The following MRTFB variants were observed in gnomAD, a reference collection of about 807,000 sequenced individuals.
The protein encoded by MRTFB is myocardin-related transcription factor B.
Under a neutral mutation model 104.2 loss-of-function variants are expected in MRTFB, and 29 were observed. The observed-to-expected ratio is 0.28, with a 90% CI of 0.21 to 0.38. The LOEUF is 0.38. MRTFB is among the 10% of genes least tolerant of loss of function. MRTFB has a pLI of 1.00. For missense variants in MRTFB, 1,270 were observed against 1,341.6 expected (o/e 0.95, Z 0.83); for synonymous variants, 535 against 519.5 (o/e 1.03, Z -0.41).
Position 14,261,040 on chromosome 16 carries a change from G to C in MRTFB, c.2896G>C (p.Val966Leu), listed in dbSNP as rs746541310. The stretch of plus-strand genomic sequence containing the variant: ...ACCCCAAGTCCAAATGGCACCACCT[G>C]TATCTTTAGAACCTATGGGCAGTTT... ...PPPQVQMAPP[V>L]SLEPMGSLSA... Residue 966 changes from valine (V) to leucine (L), a missense_variant, in exon 17 of 17, where the codon GTA becomes CTA. This residue lies in a region of MRTFB where 1,144 missense variants were observed against 1,131.5 expected (regional missense o/e 1.01). Coordinates refer to ENST00000571589, the MANE Select transcript of MRTFB (RefSeq NM_001308142.2). 1 of 1,614,044 alleles carries C rather than the reference G, an allele frequency of 6.2e-7. No homozygotes were observed. The highest frequency in any genetic ancestry group is 1.3e-5 in the African/African-American group (1 of 74,916).
At chr16:14,023,610 C>CATATACAT in the MRTFB span, among the ~76,000 whole-genome samples, 5,249 of 106,846 alleles carry the variant, frequency 0.049, 214 homozygotes, top group African/African-American at 0.12. Flanking sequence ...CACACACACA[C>CATATACAT]ATACATATAC....
At chr16:14,213,775 A>C (rs1567175788) in intron 6 of MRTFB, among the ~76,000 whole-genome samples, 155 bp downstream of exon 6, 1 of 152,182 alleles carries the variant, frequency 6.6e-6, no homozygotes, top group Non-Finnish European at 1.5e-5. Flanking sequence ...AAACTAAAAC[A>C]TGTTAGATAC....
chr16:14,255,896 TGAAC>T (rs2151454460), intron 15 of MRTFB, among the ~76,000 whole-genome samples: 1 of 151,986 alleles, frequency 6.6e-6, no homozygotes, highest in South Asian at 2.1e-4. Context: ...GAGGATTGCT[TGAAC>T]CTAGGAATTT....
At chr16:14,238,869 G>A (rs2042640354) in intron 9 of MRTFB, among the ~76,000 whole-genome samples, 1 of 152,188 alleles carries the variant, frequency 6.6e-6, no homozygotes. Flanking sequence ...TAGGCTCCTA[G>A]TTAATTGGAT....
At chr16:14,058,719 T>G in the MRTFB span, among the ~76,000 whole-genome samples, 1,962 of 137,162 alleles carry the variant, frequency 0.014, 53 homozygotes, top group African/African-American at 0.046. Context: ...TTTGTTTTTT[T>G]TTTTTTTTTT....
chr16:14,245,848 G>A (rs30149), intron 11 of MRTFB, among the ~76,000 whole-genome samples, 188 bp downstream of exon 11: 3 of 152,132 alleles, frequency 2.0e-5, no homozygotes, highest in Admixed American at 2.0e-4. Flanking sequence ...ACCAATAACT[G>A]TCATTTACTG....
At chr16:14,205,108 A>T (rs530093579) in intron 3 of MRTFB, among the ~76,000 whole-genome samples, 1 of 152,338 alleles carries the variant, frequency 6.6e-6, no homozygotes, top group South Asian at 2.1e-4. Context: ...ATCAAAATCT[A>T]TGCTTAAAGA....
intron 4 of MRTFB, 111 bp downstream of exon 4, chr16:14,210,419 C>A: frequency 1.3e-6 from 1 of 755,836 alleles, no homozygotes; most frequent in South Asian, 2.3e-5. Flanking sequence ...AATCAACAAA[C>A]AATTACCAAA....
intron 8 of MRTFB, 111 bp from the exon 9 acceptor site, chr16:14,234,035 T>C (rs2042387583): frequency 7.4e-7 from 1 of 1,350,064 alleles, no homozygotes; most frequent in Admixed American, 2.1e-5. Flanking sequence ...ATTTTTCCTT[T>C]GCTTCTTTTC....
At chr16:14,042,972 T>C in the MRTFB span, among the ~76,000 whole-genome samples, 2 of 152,178 alleles carry the variant, frequency 1.3e-5, no homozygotes, top group Non-Finnish European at 2.9e-5. Context: ...TCCAAGCTCT[T>C]GAGGCCTCCT....
At chr16:14,050,629 G>T in the MRTFB span, among the ~76,000 whole-genome samples, 1 of 152,196 alleles carries the variant, frequency 6.6e-6, no homozygotes, top group African/African-American at 2.4e-5. Context: ...ACAGAAAGCA[G>T]AATGACTTTC....
intron 16 of MRTFB, 84 bp from the exon 17 acceptor site, chr16:14,260,824 GC>G (rs1363580670): frequency 8.9e-7 from 1 of 1,121,208 alleles, no homozygotes; most frequent in Non-Finnish European, 1.3e-6. Flanking sequence ...TCGCATAATA[GC>G]AATGTAACTG....
chr16:14,109,544 T>C (rs200904759), intron 2 of MRTFB, among the ~76,000 whole-genome samples: 2 of 152,224 alleles, frequency 1.3e-5, no homozygotes, highest in East Asian at 3.8e-4. Context: ...AGTTCAGTAC[T>C]GTCCACTCTA....
rs574423915 is a variant in MRTFB, at chr16:14,138,222, A to G, written c.-63-2322A>G. Among the ~76,000 whole-genome samples the G allele has an allele frequency of 1.3e-5, 2 of 152,252 alleles. 1 individual carries two copies. Among genetic ancestry groups the G allele is most frequent in the South Asian group, 4.1e-4 (2 of 4,830 alleles). On this transcript the variant is annotated intron_variant, in intron 2 of 16. Transcript: ENST00000571589. ...TGTAAACCTCACAACAGGGTGTTAC[A>G]ATTTTACTTTGAATGATGATAATGT...
At chr16:14,009,109 G>A in the MRTFB span, among the ~76,000 whole-genome samples, 1 of 151,860 alleles carries the variant, frequency 6.6e-6, no homozygotes, top group Non-Finnish European at 1.5e-5. Flanking sequence ...CACTACACCT[G>A]GCTAATTTTT....
Position 14,249,127 on chromosome 16 carries a change from T to C in MRTFB, c.2403+46T>C, listed in dbSNP as rs374051596. On this transcript the variant is annotated intron_variant, in intron 13 of 16. Transcript: ENST00000571589. The stretch of plus-strand genomic sequence containing the variant: ...AATAGAATGTCGCTGATTTTTACCA[T>C]CCTCCGATCATCCATTCAACAAGCA... 8.2e-6 allele frequency: 13 copies of C among 1,593,246 alleles called. No homozygotes were observed. In the African/African-American group the frequency reaches 1.3e-4, roughly 16 times the overall value.
At chr16:14,049,877 C>T in the MRTFB span, among the ~76,000 whole-genome samples, 2 of 152,164 alleles carry the variant, frequency 1.3e-5, no homozygotes, top group East Asian at 1.9e-4. Flanking sequence ...GTACTACAGG[C>T]ATGTATCACC....
the MRTFB span, among the ~76,000 whole-genome samples, chr16:14,065,870 G>C: frequency 6.6e-6 from 1 of 152,002 alleles, no homozygotes; most frequent in Non-Finnish European, 1.5e-5. Flanking sequence ...TTCCTGCCTA[G>C]TTCTCTCTGA....
upstream of MRTFB, among the ~76,000 whole-genome samples, chr16:14,070,142 G>A (rs2033603066): frequency 6.6e-6 from 1 of 152,122 alleles, no homozygotes; most frequent in African/African-American, 2.4e-5. Context: ...GAACCTCCAG[G>A]GCTCCTGATC....
Sources: gnomAD v4.1 joint callset for allele counts (sites outside exome capture counted in the v4.1 genomes callset) on GRCh38, gnomAD v4.1.1 for gene constraint, gnomAD v4.1.1 regional missense constraint, MANE v1.5 for transcripts, NCBI Gene and HGNC (gene_info 2026-07-23, HGNC 2026-07-21) for gene names.